Variants in PRKCH observed in about 807,000 individuals in gnomAD.
The protein encoded by PRKCH is protein kinase C eta type.
A neutral mutation model predicts 82.5 loss-of-function variants in PRKCH; 28 were observed. The observed-to-expected ratio is 0.34, with a 90% confidence interval of 0.25 to 0.47. The LOEUF (loss-of-function observed/expected upper bound fraction) is 0.47, where lower values mean the gene tolerates loss of function less well. Ranked by LOEUF, PRKCH falls within the 20% of genes least tolerant of loss-of-function variation. The pLI, the probability that PRKCH is intolerant of heterozygous loss-of-function variation, is 1.00. For synonymous variants in PRKCH, 322 were observed against 327.4 expected (o/e 0.98, Z 0.18); for missense variants, 705 against 881.8 (o/e 0.80, Z 2.54).
intron 9 of PRKCH, among the ~76,000 whole-genome samples, chr14:61,478,836 G>T (rs918667975): frequency 6.6e-6 from 1 of 152,144 alleles, no homozygotes; most frequent in Non-Finnish European, 1.5e-5. Context: ...CCTCCAGCCT[G>T]GGTGACAGAG....
chr14:61,497,906 A>G (rs1886739537), intron 10 of PRKCH, among the ~76,000 whole-genome samples: 1 of 152,170 alleles, frequency 6.6e-6, no homozygotes, highest in Non-Finnish European at 1.5e-5. Flanking sequence ...CAGCACATCA[A>G]CAGTTGTTGT....
intron 1 of PRKCH, among the ~76,000 whole-genome samples, chr14:61,215,992 C>T (rs2044613290): frequency 6.6e-6 from 1 of 152,190 alleles, no homozygotes; most frequent in South Asian, 2.1e-4. Context: ...CCACAATCTA[C>T]TCTGCCCAAC....
At chr14:61,374,311 T>G (rs988323325) in intron 1 of PRKCH, among the ~76,000 whole-genome samples, 2 of 152,106 alleles carry the variant, frequency 1.3e-5, no homozygotes, top group Non-Finnish European at 2.9e-5. Flanking sequence ...CTTTTCCAGG[T>G]GCAAGATGCA....
At chr14:61,357,466 T>C (rs2046165944) in intron 1 of PRKCH, among the ~76,000 whole-genome samples, 1 of 152,238 alleles carries the variant, frequency 6.6e-6, no homozygotes, top group Admixed American at 6.5e-5. Flanking sequence ...GGCCTTGCTC[T>C]GTTAGTCATT....
At chr14:61,240,311 G>T (rs2044825997) in intron 1 of PRKCH, among the ~76,000 whole-genome samples, 1 of 152,196 alleles carries the variant, frequency 6.6e-6, no homozygotes, top group South Asian at 2.1e-4. Context: ...ATATTGGGAG[G>T]TTGGAGGAAG....
chr14:61,433,277 A>C (rs1434070432), intron 2 of PRKCH, among the ~76,000 whole-genome samples: 2 of 152,158 alleles, frequency 1.3e-5, no homozygotes, highest in African/African-American at 4.8e-5. Flanking sequence ...CATACTCCTC[A>C]TGGCTAATAT....
chr14:61,348,551 A>G (rs1223071751), intron 1 of PRKCH, among the ~76,000 whole-genome samples: 1 of 152,196 alleles, frequency 6.6e-6, no homozygotes, highest in Non-Finnish European at 1.5e-5. Flanking sequence ...GGTGCAGTGA[A>G]TGGCAGAACT....
chr14:61,389,792 C>T (rs776125306), intron 1 of PRKCH, among the ~76,000 whole-genome samples: 6 of 152,068 alleles, frequency 3.9e-5, no homozygotes, highest in Non-Finnish European at 8.8e-5. Context: ...GGACCTTGCC[C>T]AGGGTCCAGA....
intron 1 of PRKCH, among the ~76,000 whole-genome samples, chr14:61,339,620 GC>G (rs1216126488): frequency 3.9e-4 from 39 of 99,522 alleles, no homozygotes; most frequent in Middle Eastern, 6.7e-3. Context: ...ACCAAGCCCG[GC>G]CTTTTTTTTT....
At chr14:61,369,018 A>G (rs1009202303) in intron 1 of PRKCH, among the ~76,000 whole-genome samples, 10 of 152,142 alleles carry the variant, frequency 6.6e-5, no homozygotes, top group African/African-American at 2.4e-4. Context: ...GTACTTGGTC[A>G]TGTGGCTTGG....
At chr14:61,529,005 T>TGTGCGC in intron 10 of PRKCH, 70 bp from the exon 11 acceptor site, 7 of 1,459,990 alleles carry the variant, frequency 4.8e-6, no homozygotes, top group African/African-American at 1.6e-5. Context: ...TGTGTGTGTG[T>TGTGCGC]GCCCATTCTG....
At chr14:61,209,763 G>A (rs538739044) in intron 1 of PRKCH, among the ~76,000 whole-genome samples, 1 of 152,112 alleles carries the variant, frequency 6.6e-6, no homozygotes, top group South Asian at 2.1e-4. Flanking sequence ...CCCAAATGTT[G>A]AACATTGTAC....
At chr14:61,522,686 T>C (rs902868690) in intron 10 of PRKCH, among the ~76,000 whole-genome samples, 1 of 152,230 alleles carries the variant, frequency 6.6e-6, no homozygotes, top group Non-Finnish European at 1.5e-5. Flanking sequence ...ATTGCACTCA[T>C]CACAGTTGAT....
intron 1 of PRKCH, among the ~76,000 whole-genome samples, chr14:61,239,806 T>C (rs895487738): frequency 6.6e-6 from 1 of 152,166 alleles, no homozygotes; most frequent in Non-Finnish European, 1.5e-5. Context: ...TGGCATAATT[T>C]TTTCTGGGAG....
At chr14:61,354,582 A>G (rs1230231688) in intron 1 of PRKCH, among the ~76,000 whole-genome samples, 1 of 152,086 alleles carries the variant, frequency 6.6e-6, no homozygotes, top group Non-Finnish European at 1.5e-5. Flanking sequence ...TTTATTCAGC[A>G]TCTACTGTGT....
chr14:61,246,853 G>T (rs949996475), intron 1 of PRKCH, among the ~76,000 whole-genome samples: 1 of 152,146 alleles, frequency 6.6e-6, no homozygotes, highest in Admixed American at 6.6e-5. Flanking sequence ...CTCCCAATGT[G>T]CTGGGATTAC....
intron 1 of PRKCH, among the ~76,000 whole-genome samples, chr14:61,341,663 G>A (rs2045931266): frequency 6.6e-6 from 1 of 152,178 alleles, no homozygotes. Context: ...TATTCAGGGA[G>A]GACTTCTTGG....
chr14:61,391,670 C>G (rs1364636628), intron 2 of PRKCH, among the ~76,000 whole-genome samples: 1 of 152,138 alleles, frequency 6.6e-6, no homozygotes, highest in Non-Finnish European at 1.5e-5. Flanking sequence ...ATCCAGTTAT[C>G]TTCTTTATAA....
intron 1 of PRKCH, among the ~76,000 whole-genome samples, chr14:61,276,656 G>A (rs112250023): frequency 9.7e-4 from 146 of 150,676 alleles, no homozygotes; most frequent in Non-Finnish European, 1.7e-3. Context: ...GCACCTGGCC[G>A]GGAATTTACT....
Sources: gnomAD v4.1 joint callset for allele counts (sites outside exome capture counted in the v4.1 genomes callset) on GRCh38, gnomAD v4.1.1 for gene constraint, MANE v1.5 for transcripts, NCBI Gene and HGNC (gene_info 2026-07-23, HGNC 2026-07-21) for gene names.